Variants in KAZN observed in about 807,000 individuals in gnomAD.
The protein encoded by KAZN is kazrin, periplakin interacting protein.
KAZN carries 40 observed loss-of-function variants against 87.4 expected under a neutral mutation model. The ratio of observed to expected loss-of-function variants is 0.46; its 90% confidence interval spans 0.36 to 0.60. The LOEUF (loss-of-function observed/expected upper bound fraction) is 0.60. KAZN is among the 20% of genes least tolerant of loss of function. KAZN has a pLI of 0.00. For missense variants in KAZN, 898 were observed against 1,073.9 expected, an observed-to-expected ratio of 0.84 and a Z score of 2.29; for synonymous variants, 466 against 458.3, an observed-to-expected ratio of 1.02 and a Z score of -0.22.
intron 1 of KAZN, among the ~76,000 whole-genome samples, chr1:13,907,179 G>C (rs1639470210): frequency 6.6e-6 from 1 of 152,150 alleles, no homozygotes; most frequent in Non-Finnish European, 1.5e-5. Context: ...CCCCTGAGAA[G>C]GTATCTCCAC....
intron 1 of KAZN, among the ~76,000 whole-genome samples, chr1:14,032,331 CAG>C (rs1200073480): frequency 1.3e-5 from 2 of 152,206 alleles, no homozygotes; most frequent in Non-Finnish European, 2.9e-5. Flanking sequence ...AAGATACAGA[CAG>C]GAAAACTGAG....
intron 1 of KAZN, among the ~76,000 whole-genome samples, chr1:14,002,315 T>A (rs1639830802): frequency 6.6e-6 from 1 of 152,232 alleles, no homozygotes; most frequent in African/African-American, 2.4e-5. Context: ...TTGAGTTGTA[T>A]CTCACAGAAT....
At chr1:14,565,393 T>TAC (rs1557804025) in intron 2 of KAZN, among the ~76,000 whole-genome samples, 1 of 151,180 alleles carries the variant, frequency 6.6e-6, no homozygotes, top group Non-Finnish European at 1.5e-5. Flanking sequence ...TAATTAAACA[T>TAC]TTTATTCCTA....
At chr1:14,370,578 A>G (rs1660397671) in intron 2 of KAZN, among the ~76,000 whole-genome samples, 1 of 152,212 alleles carries the variant, frequency 6.6e-6, no homozygotes, top group African/African-American at 2.4e-5. Context: ...TCTGAGTGGT[A>G]AACCTGTTGC....
chr1:14,455,792 G>A (rs1667536191), intron 2 of KAZN, among the ~76,000 whole-genome samples: 1 of 152,168 alleles, frequency 6.6e-6, no homozygotes, highest in South Asian at 2.1e-4. Context: ...AACTCCTCAA[G>A]GAAAGGACTG....
intron 1 of KAZN, among the ~76,000 whole-genome samples, chr1:14,176,808 G>A (rs890106795): frequency 2.6e-5 from 4 of 152,054 alleles, no homozygotes; most frequent in African/African-American, 4.8e-5. Flanking sequence ...GAGGATTTAC[G>A]ATATCCATCT....
intron 1 of KAZN, among the ~76,000 whole-genome samples, chr1:14,147,731 G>A (rs1394102010): frequency 6.6e-6 from 1 of 151,900 alleles, no homozygotes; most frequent in Admixed American, 6.6e-5. Context: ...GGGAGGCAGA[G>A]GTTGCAGTGA....
At chr1:15,040,774 T>TAAA (rs76695641) in intron 3 of KAZN, among the ~76,000 whole-genome samples, 3 of 142,400 alleles carry the variant, frequency 2.1e-5, no homozygotes, top group Non-Finnish European at 4.6e-5. Context: ...TCAAAAAAGT[T>TAAA]AAAAAAAAAA....
chr1:14,016,604 C>T (rs904032071), intron 1 of KAZN, among the ~76,000 whole-genome samples: 2 of 152,040 alleles, frequency 1.3e-5, no homozygotes, highest in African/African-American at 4.8e-5. Flanking sequence ...CTCGGAGGCT[C>T]ACTTTGGGAT....
rs116053190 is a variant in KAZN at position 14,370,737 on chromosome 1, A to G, written c.249+190145A>G. On this transcript the variant is annotated intron_variant, in intron 2 of 16. Coordinates refer to the KAZN transcript ENST00000636203. ...GACACTGTCTCACTTTGTCACCCAGACTGGAGTTGAGATCATGGCTCACTG... is the reference window on the plus strand; with the variant it reads ...GACACTGTCTCACTTTGTCACCCAGGCTGGAGTTGAGATCATGGCTCACTG... 9.2e-3 allele frequency among the ~76,000 whole-genome samples: 1,406 copies of G among 152,248 alleles called. 17 individuals carry two copies. Among genetic ancestry groups the G allele is most frequent in the African/African-American group, 0.032 (1,313 of 41,532 alleles).
Position 14,149,099 on chromosome 1 carries a change from C to CCTT in KAZN, c.92-31336_92-31335insCTT, listed in dbSNP as rs1557515735. Among the ~76,000 whole-genome samples, 415 of 84,298 alleles carry CCTT rather than the reference C, an allele frequency of 4.9e-3. 4 individuals are homozygous for CCTT. Among genetic ancestry groups the CCTT allele is most frequent in the African/African-American group, 0.023 (391 of 16,928 alleles). The allele number at this position is 84,298 out of a possible 152,430, so 55.3% of individuals were successfully genotyped here. A position where few individuals can be genotyped will look rare whatever the true frequency, so the allele number is the denominator to read the frequency against. On this transcript the variant is annotated intron_variant, in intron 1 of 16. Coordinates refer to the KAZN transcript ENST00000636203. ...CCTTCCTTCCTTCCTTCCTTTCTTT[C>CCTT]TTTCCTTTTTTTTTTTTTTTTTGAC...
rs1640733194 is a variant in KAZN, at chr1:15,094,858, G to A, written c.1472G>A (p.Gly491Glu). 1 of 1,550,724 alleles carries A rather than the reference G, an allele frequency of 6.4e-7. No homozygotes were observed. Among genetic ancestry groups the A allele is most frequent in the Admixed American group, 2.0e-5 (1 of 51,002 alleles). The change falls in exon 10 of 15, where the codon GGG (glycine) becomes GAG (glutamate). Residue 491 changes from glycine to glutamate, a missense_variant. By Grantham distance (98) the Gly-to-Glu change is moderately conservative (BLOSUM62 -2). Transcript: ENST00000376030. This position sits in a 1 kb window ranked among gnomAD's most constrained non-coding sequence, Gnocchi z 4.5. ...LSDEDLQLGL[G>E]VCSSLHRRKL... ...GACGAGGACCTGCAGCTGGGCCTTG[G>A]GGTGTGCAGCTCCCTGCACCGGCGC...
chr1:14,485,665 C>T lies in KAZN; in HGVS notation c.250-113318C>T, dbSNP rs191851471. The stretch of plus-strand genomic sequence containing the variant: ...ATCCCAGCACGTCGGGAGGCTGAGG[C>T]GGGTGGATCACAAGGTCAGGAGTAA... On this transcript the variant is annotated intron_variant, in intron 2 of 16. Coordinates refer to the KAZN transcript ENST00000636203. Among the ~76,000 whole-genome samples, 288 of 152,150 alleles carry T rather than the reference C, an allele frequency of 1.9e-3. 2 individuals carry two copies. The highest frequency in any genetic ancestry group is 6.7e-3 in the African/African-American group (278 of 41,504).
At chr1:13,949,469 G>A (rs1641267563) in intron 1 of KAZN, among the ~76,000 whole-genome samples, 3 of 152,112 alleles carry the variant, frequency 2.0e-5, no homozygotes, top group African/African-American at 7.2e-5. Context: ...ATCAGACAGC[G>A]GTCCTTATCA....
chr1:14,018,296 A>G (rs1053726688), intron 1 of KAZN, among the ~76,000 whole-genome samples: 1 of 152,152 alleles, frequency 6.6e-6, no homozygotes, highest in African/African-American at 2.4e-5. Flanking sequence ...CTGTGGGTAA[A>G]TTGACTTCGT....
intron 1 of KAZN, among the ~76,000 whole-genome samples, chr1:13,923,933 G>C (rs887464140): frequency 5.3e-5 from 8 of 151,458 alleles, no homozygotes; most frequent in African/African-American, 1.9e-4. Flanking sequence ...GAGGGCAAGA[G>C]AAGAGTGGAT....
intron 2 of KAZN, among the ~76,000 whole-genome samples, chr1:14,417,242 A>G (rs977572911): frequency 1.3e-5 from 2 of 152,122 alleles, no homozygotes; most frequent in Non-Finnish European, 2.9e-5. Flanking sequence ...TCTGCATGTT[A>G]TTATTCCATT....
intron 2 of KAZN, among the ~76,000 whole-genome samples, chr1:14,373,809 G>A (rs546099878): frequency 3.3e-5 from 5 of 152,148 alleles, no homozygotes; most frequent in African/African-American, 1.2e-4. Context: ...ATTTCATGGG[G>A]AATCGAGGCT....
At chr1:14,497,726 G>T (rs927150200) in intron 2 of KAZN, among the ~76,000 whole-genome samples, 1 of 152,104 alleles carries the variant, frequency 6.6e-6, no homozygotes, top group Admixed American at 6.5e-5. Flanking sequence ...AGACTTAGAG[G>T]GTTAGGGCTT....
Sources: gnomAD v4.1 joint callset for allele counts (sites outside exome capture counted in the v4.1 genomes callset) on GRCh38, gnomAD v4.1.1 for gene constraint, Gnocchi (gnomAD v3.1) non-coding constraint, MANE v1.5 for transcripts, NCBI Gene and HGNC (gene_info 2026-07-23, HGNC 2026-07-21) for gene names.